Variants in FAF2 observed in about 807,000 individuals in gnomAD.
The protein encoded by FAF2 is FAS-associated factor 2.
Under a neutral mutation model 62.3 loss-of-function variants are expected in FAF2, and 9 were observed. The ratio of observed to expected loss-of-function variants is 0.14; its 90% confidence interval spans 0.09 to 0.25. The LOEUF (loss-of-function observed/expected upper bound fraction) is 0.25, where lower values mean the gene tolerates loss of function less well. Ranked by LOEUF, FAF2 falls within the 10% of genes least tolerant of loss-of-function variation. The probability of loss-of-function intolerance (pLI) is 1.00; values close to 1 mark genes in which losing one functional copy is unlikely to be tolerated. For synonymous variants in FAF2, 202 were observed against 198.0 expected (o/e 1.02, Z -0.17); for missense variants, 368 against 556.2 (o/e 0.66, Z 3.40).
At chr5:176,496,382 C>G in intron 7 of FAF2, 104 bp from the exon 8 acceptor site, 1 of 900,548 alleles carries the variant, frequency 1.1e-6, no homozygotes, top group Non-Finnish European at 1.6e-6. Flanking sequence ...TCGTCTTCCC[C>G]AACCAGGATT....
At chr5:176,496,770 T>C in intron 8 of FAF2, 107 bp downstream of exon 8, 1 of 773,942 alleles carries the variant, frequency 1.3e-6, no homozygotes, top group Non-Finnish European at 1.9e-6. Flanking sequence ...CAGGCCGCTA[T>C]TAGCTTTTAG....
chr5:176,462,262 T>C (rs1280302780), intron 1 of FAF2, among the ~76,000 whole-genome samples: 1 of 143,388 alleles, frequency 7.0e-6, no homozygotes, highest in Non-Finnish European at 1.5e-5. Context: ...GGTGGCAGAG[T>C]GAGATTCTGT....
rs76772122 is a variant in FAF2, at chr5:176,478,062, G to T, written c.64-1126G>T. On this transcript the variant is annotated intron_variant, in intron 1 of 10. Coordinates refer to ENST00000261942, the MANE Select transcript of FAF2 (RefSeq NM_014613.3). ...GAAAGGATGGATGGATTAGATGGAT[G>T]GTTTTGGCTTTTATATTAGACTTTG... Among the ~76,000 whole-genome samples, 73 of 152,296 alleles carry T rather than the reference G, an allele frequency of 4.8e-4. 1 individual carries two copies. The highest frequency in any genetic ancestry group is 1.7e-3 in the African/African-American group (71 of 41,560).
At chr5:176,477,088 G>GT (rs1271831689) in intron 1 of FAF2, among the ~76,000 whole-genome samples, 6 of 137,674 alleles carry the variant, frequency 4.4e-5, no homozygotes, top group Non-Finnish European at 9.4e-5. Context: ...GATTACAGGC[G>GT]TGAGCCACCG....
In FAF2 at chr5:176,451,381, T is replaced by A. The variant is rs558677346; in HGVS notation, c.63+2911T>A. Among the ~76,000 whole-genome samples, 50 of 150,958 alleles carry A rather than the reference T, an allele frequency of 3.3e-4. 1 individual carries two copies. Among genetic ancestry groups the A allele is most frequent in the Admixed American group, 1.6e-3 (24 of 15,120 alleles). On this transcript the variant is annotated intron_variant, in intron 1 of 10. Coordinates refer to ENST00000261942, the MANE Select transcript of FAF2 (RefSeq NM_014613.3). ...GCGGGACTCTGTCTCAAAAAAAAAATTTTTTTTTAAGTAGAGACGGGAGTC... is the reference window on the plus strand; with the variant it reads ...GCGGGACTCTGTCTCAAAAAAAAAAATTTTTTTTAAGTAGAGACGGGAGTC...
Position 176,481,823 on chromosome 5 carries a change from C to T in FAF2, c.132+2567C>T, listed in dbSNP as rs549335852. Among the ~76,000 whole-genome samples, 21 of 152,210 alleles carry T rather than the reference C, an allele frequency of 1.4e-4. No homozygotes were observed. In the South Asian group the frequency reaches 2.1e-3, roughly 15 times the overall value. ...CCCACGCTACCACACCGGGCCCTAG[C>T]GTTCAAGCTCTTGTGTGAATATGTG... On this transcript the variant is annotated intron_variant, in intron 2 of 10. Transcript: ENST00000261942.
intron 10 of FAF2, among the ~76,000 whole-genome samples, chr5:176,505,961 C>A (rs1035581026): frequency 3.9e-5 from 6 of 151,912 alleles, no homozygotes; most frequent in African/African-American, 1.5e-4. Context: ...GAGGCCGAGA[C>A]GGGAGGATCA....
intron 1 of FAF2, among the ~76,000 whole-genome samples, chr5:176,463,724 G>GTTTTTTT (rs200216378): frequency 7.7e-6 from 1 of 129,536 alleles, no homozygotes; most frequent in African/African-American, 2.8e-5. Flanking sequence ...GTTATTGCAT[G>GTTTTTTT]TTTTTTTTTT....
intron 5 of FAF2, 103 bp downstream of exon 5, chr5:176,492,435 C>CTTA: frequency 7.8e-7 from 1 of 1,277,466 alleles, no homozygotes; most frequent in Non-Finnish European, 1.0e-6. Context: ...ACTCAAAAAC[C>CTTA]TTAATTAGCT....
intron 1 of FAF2, among the ~76,000 whole-genome samples, chr5:176,449,592 ACCTCCTGAGGATGTT>A (rs747042831): frequency 2.2e-4 from 33 of 151,518 alleles, no homozygotes; most frequent in Non-Finnish European, 3.8e-4. Context: ...AAAAAAATCT[ACCTCCTGAGGATGTT>A]CGGGAGATCA....
Position 176,496,591 on chromosome 5 carries a change from A to C in FAF2, c.767A>C (p.Asp256Ala). Residue 256 changes from aspartate to alanine, a missense_variant, in exon 8 of 11, where the codon GAT becomes GCT. Around this residue, in one of 2 missense-constraint regions of FAF2, gnomAD observed 331 missense variants for 441.9 expected, o/e 0.75. Coordinates refer to ENST00000261942, the MANE Select transcript of FAF2 (RefSeq NM_014613.3). ...VGRLEGLIQP[D>A]DLINQLTFIM... is the part of the protein sequence containing the mutation. ...CGGCTAGAAGGCCTCATTCAACCTG[A>C]TGACCTCATTAACCAACTGACATTT... 6.2e-7 allele frequency: 1 copy of C among 1,612,806 alleles called. No homozygotes were observed. Among genetic ancestry groups the C allele is most frequent in the Non-Finnish European group, 8.5e-7 (1 of 1,179,394 alleles).
chr5:176,490,788 CAAAA>C (rs1561825615), intron 4 of FAF2, among the ~76,000 whole-genome samples: 1 of 151,510 alleles, frequency 6.6e-6, no homozygotes, highest in African/African-American at 2.4e-5. Flanking sequence ...TCTAAAAAAT[CAAAA>C]AAGCTGATTG....
intron 1 of FAF2, among the ~76,000 whole-genome samples, chr5:176,469,778 ATTG>A (rs1386088873): frequency 1.3e-4 from 20 of 152,212 alleles, no homozygotes; most frequent in Non-Finnish European, 2.8e-4. Flanking sequence ...CTATATGTAA[ATTG>A]TTGTAGCCAG....
At position 176,508,676 on chromosome 5, in the gene FAF2, A is replaced by C. The variant is rs1755727695; in HGVS notation, c.*1726A>C. The C allele has an allele frequency of 6.6e-6, 1 of 152,186 alleles. No homozygotes were observed. Among genetic ancestry groups the C allele is most frequent in the Non-Finnish European group, 1.5e-5 (1 of 68,028 alleles). 9.4% of individuals were successfully genotyped at this position (152,186 alleles called of 1,614,324 possible). On this transcript the variant is annotated 3_prime_UTR_variant, in exon 11 of 11. Transcript: ENST00000261942. ...GTCCCTGGCCAGCTATTGTTCTTCC[A>C]CTTCGTTTTCTGCTGTCCCAAGGCC...
intron 1 of FAF2, among the ~76,000 whole-genome samples, chr5:176,452,436 C>T (rs1255341885): frequency 6.6e-6 from 1 of 152,128 alleles, no homozygotes; most frequent in African/African-American, 2.4e-5. Flanking sequence ...ATCCTTACAG[C>T]AGTTTACAAA....
chr5:176,466,534 C>T (rs1174201890), intron 1 of FAF2, among the ~76,000 whole-genome samples: 1 of 152,208 alleles, frequency 6.6e-6, no homozygotes, highest in Non-Finnish European at 1.5e-5. Context: ...GGAGATTACA[C>T]CCTGGTTACC....
chr5:176,450,827 C>T (rs990036318), intron 1 of FAF2, among the ~76,000 whole-genome samples: 13 of 152,224 alleles, frequency 8.5e-5, no homozygotes, highest in Admixed American at 5.9e-4. Context: ...AGGCGTGAGC[C>T]GCCGCGCCCG....
Position 176,496,730 on chromosome 5 carries a change from G to A in FAF2, c.839+67G>A, listed in dbSNP as rs1223320103. On this transcript the variant is annotated intron_variant, in intron 8 of 10. Coordinates refer to ENST00000261942, the MANE Select transcript of FAF2 (RefSeq NM_014613.3). ...TAAATTTGGAGGGCTGACCTCTGGG[G>A]CTCTACCAATCCTGACTTCTTCTGT... The A allele has an allele frequency of 5.5e-6, 7 of 1,268,876 alleles. No homozygotes were observed. In the East Asian group the frequency reaches 1.3e-4, roughly 24 times the overall value. 78.6% of individuals were successfully genotyped at this position (1,268,876 alleles called of 1,614,324 possible). A position where few individuals can be genotyped will look rare whatever the true frequency, so the allele number is the denominator to read the frequency against.
chr5:176,456,314 C>T (rs1050594892), intron 1 of FAF2, among the ~76,000 whole-genome samples: 4 of 152,086 alleles, frequency 2.6e-5, no homozygotes, highest in African/African-American at 7.2e-5. Context: ...TGAGGTGATC[C>T]GCCTACCTCG....
Sources: gnomAD v4.1 joint callset for allele counts (sites outside exome capture counted in the v4.1 genomes callset) on GRCh38, gnomAD v4.1.1 for gene constraint, gnomAD v4.1.1 regional missense constraint, MANE v1.5 for transcripts, NCBI Gene and HGNC (gene_info 2026-07-23, HGNC 2026-07-21) for gene names.